The following LRRC28 variants were observed in gnomAD, a reference collection of about 807,000 sequenced individuals.
LRRC28 encodes the protein leucine rich repeat containing 28.
In LRRC28, 39 loss-of-function variants were observed where a neutral mutation model predicts 45.7. That is an observed-to-expected ratio of 0.85 (90% CI 0.66 to 1.12). The LOEUF (loss-of-function observed/expected upper bound fraction) is 1.12, where lower values mean the gene tolerates loss of function less well. LRRC28 is among the 50% of genes most tolerant of loss of function. The pLI is 0.00. For synonymous variants in LRRC28, 206 were observed against 178.8 expected (o/e 1.15, Z -1.22); for missense variants, 435 against 438.5 (o/e 0.99, Z 0.07).
At chr15:99,383,802 C>T (rs527861700) in intron 9 of LRRC28, among the ~76,000 whole-genome samples, 15 of 152,268 alleles carry the variant, frequency 9.9e-5, no homozygotes, top group Admixed American at 9.8e-4. Context: ...ACCCTGGGTC[C>T]TCTCTGCATT....
intron 5 of LRRC28, among the ~76,000 whole-genome samples, chr15:99,312,383 C>G (rs1228439582): frequency 6.6e-6 from 1 of 152,198 alleles, no homozygotes; most frequent in Middle Eastern, 3.2e-3. Context: ...TAATCAATAT[C>G]ACTGTCTTCC....
Position 99,389,822 on chromosome 15 carries a change from C to T in LRRC28, c.*3720C>T, listed in dbSNP as rs1343756815. 6.6e-6 allele frequency: 1 copy of T among 152,084 alleles called. No homozygotes were observed. Among genetic ancestry groups the T allele is most frequent in the Non-Finnish European group, 1.5e-5 (1 of 68,010 alleles). The allele number at this position is 152,084 out of a possible 1,614,324, so 9.4% of individuals were successfully genotyped here. ...TGTATTTTTGAAACTAGCTCTATGTCTATCTAAAAATCAAGTCTCGGCAGT... is the reference window on the plus strand; with the variant it reads ...TGTATTTTTGAAACTAGCTCTATGTTTATCTAAAAATCAAGTCTCGGCAGT... On this transcript the variant is annotated 3_prime_UTR_variant, in exon 10 of 10. Transcript: ENST00000301981.
intron 9 of LRRC28, among the ~76,000 whole-genome samples, chr15:99,365,675 C>G (rs1246347149): frequency 6.6e-6 from 1 of 152,142 alleles, no homozygotes; most frequent in South Asian, 2.1e-4. Context: ...TCATAAAATA[C>G]ATTATATCAG....
chr15:99,347,896 A>G (rs760587704), intron 6 of LRRC28, among the ~76,000 whole-genome samples: 3 of 152,148 alleles, frequency 2.0e-5, no homozygotes, highest in East Asian at 1.9e-4. Flanking sequence ...AGTCCTACCA[A>G]CACATACTAG....
chr15:99,263,566 A>G (rs1411347888), intron 2 of LRRC28, among the ~76,000 whole-genome samples: 3 of 152,140 alleles, frequency 2.0e-5, no homozygotes, highest in African/African-American at 7.2e-5. Context: ...TTGCATAAGG[A>G]CCATATTATA....
intron 5 of LRRC28, among the ~76,000 whole-genome samples, chr15:99,319,874 G>A (rs1032344486): frequency 1.3e-5 from 2 of 151,902 alleles, no homozygotes; most frequent in Non-Finnish European, 2.9e-5. Context: ...TGCAATCTCA[G>A]CTCACTGCAA....
At chr15:99,325,729 G>A (rs1426415154) in intron 5 of LRRC28, among the ~76,000 whole-genome samples, 3 of 152,132 alleles carry the variant, frequency 2.0e-5, no homozygotes, top group Non-Finnish European at 2.9e-5. Flanking sequence ...TTCAGCTGTT[G>A]AACCAACCTT....
chr15:99,290,825 G>A (rs1053514006), intron 5 of LRRC28, among the ~76,000 whole-genome samples: 2 of 151,844 alleles, frequency 1.3e-5, no homozygotes, highest in South Asian at 2.1e-4. Context: ...AAAATTAGCC[G>A]TGCATGGTGA....
At position 99,285,326 on chromosome 15, in the gene LRRC28, C is replaced by G. The variant is rs934471487; in HGVS notation, c.210-1931C>G. 5 of 741,120 alleles carry G rather than the reference C, an allele frequency of 6.7e-6. No homozygotes were observed. In the African/African-American group the frequency reaches 8.5e-5, roughly 13 times the overall value. 45.9% of individuals were successfully genotyped at this position (741,120 alleles called of 1,614,324 possible). A position where few individuals can be genotyped will look rare whatever the true frequency, so the allele number is the denominator to read the frequency against. ...TTCTCTTGAGACAGCTGTCTTTAGT[C>G]CCACAACTCTTCTGTCCACCTTGTG... On this transcript the variant is annotated intron_variant, in intron 3 of 9. Transcript: ENST00000301981.
At chr15:99,336,203 A>G (rs544991407) in intron 6 of LRRC28, among the ~76,000 whole-genome samples, 1 of 152,210 alleles carries the variant, frequency 6.6e-6, no homozygotes, top group Non-Finnish European at 1.5e-5. Flanking sequence ...ATTGCTATAC[A>G]TATGCTCACT....
chr15:99,330,888 AGTT>A (rs1956139502), intron 5 of LRRC28, among the ~76,000 whole-genome samples: 3 of 151,716 alleles, frequency 2.0e-5, no homozygotes, highest in African/African-American at 7.3e-5. Context: ...ATATATTTTT[AGTT>A]ATCTTCTTGT....
At chr15:99,258,580 C>G (rs747962716) in intron 2 of LRRC28, 26 of 745,666 alleles carry the variant, frequency 3.5e-5, no homozygotes, top group African/African-American at 5.2e-5. Flanking sequence ...AAACAGAAAC[C>G]AAAGACTAAA....
intron 5 of LRRC28, among the ~76,000 whole-genome samples, chr15:99,316,940 C>A (rs1698763852): frequency 2.0e-5 from 3 of 151,444 alleles, no homozygotes; most frequent in Admixed American, 2.0e-4. Context: ...TGGGCTCCAG[C>A]AATCCTTCTC....
At chr15:99,319,456 A>G (rs1217971450) in intron 5 of LRRC28, among the ~76,000 whole-genome samples, 1 of 152,232 alleles carries the variant, frequency 6.6e-6, no homozygotes, top group Non-Finnish European at 1.5e-5. Flanking sequence ...AATCAAAGAC[A>G]ATATATCTGA....
At chr15:99,272,414 C>G (rs1429043346) in intron 2 of LRRC28, among the ~76,000 whole-genome samples, 1 of 152,160 alleles carries the variant, frequency 6.6e-6, no homozygotes, top group African/African-American at 2.4e-5. Context: ...CCATGGCCAG[C>G]TTGATGAAAG....
At chr15:99,346,753 T>C (rs1405208320) in intron 6 of LRRC28, among the ~76,000 whole-genome samples, 1 of 152,104 alleles carries the variant, frequency 6.6e-6, no homozygotes. Flanking sequence ...GGAAGCACAC[T>C]CATCAAAAAT....
At chr15:99,267,629 C>T (rs1567608862) in intron 2 of LRRC28, among the ~76,000 whole-genome samples, 1 of 152,152 alleles carries the variant, frequency 6.6e-6, no homozygotes, top group East Asian at 1.9e-4. Flanking sequence ...GTAAAGCATT[C>T]TAATGGTCCG....
intron 5 of LRRC28, among the ~76,000 whole-genome samples, chr15:99,305,746 A>G (rs1487161454): frequency 1.3e-5 from 2 of 152,206 alleles, no homozygotes; most frequent in East Asian, 3.8e-4. Context: ...ATCATTTATA[A>G]ATTAATTTGA....
chr15:99,361,626 T>A, intron 8 of LRRC28, 115 bp downstream of exon 8: 1 of 1,034,318 alleles, frequency 9.7e-7, no homozygotes, highest in Non-Finnish European at 1.4e-6. Context: ...AAAATACACA[T>A]AACACGAAAG....
Sources: allele counts gnomAD v4.1 joint callset (sites outside exome capture counted in the v4.1 genomes callset), GRCh38; gene constraint gnomAD v4.1.1; transcripts MANE v1.5; gene names NCBI Gene and HGNC (gene_info 2026-07-23, HGNC 2026-07-21).